CHL1: variants seen among roughly 807,000 people sequenced by gnomAD.
CHL1 encodes neural cell adhesion molecule L1-like protein.
In CHL1, 96 loss-of-function variants were observed where a neutral mutation model predicts 141.9. The observed-to-expected ratio is 0.68, with a 90% CI of 0.57 to 0.80. CHL1 has a LOEUF of 0.80. Among genes scored for constraint, CHL1 ranks in the 30% least tolerant of loss-of-function variants. The pLI is 0.00. For missense variants in CHL1, 1,820 were observed against 1,457.2 expected, an observed-to-expected ratio of 1.25 and a Z score of -4.05; for synonymous variants, 613 against 502.2, an observed-to-expected ratio of 1.22 and a Z score of -2.95.
chr3:237,831 G>C (rs1217473991), intron 1 of CHL1, among the ~76,000 whole-genome samples: 1 of 152,138 alleles, frequency 6.6e-6, no homozygotes, highest in Non-Finnish European at 1.5e-5. Flanking sequence ...TTAGTGGAGA[G>C]TCAATATCTG....
chr3:330,947 G>A (rs1701388346), intron 5 of CHL1, among the ~76,000 whole-genome samples: 1 of 151,798 alleles, frequency 6.6e-6, no homozygotes. Flanking sequence ...TGGCATGTTA[G>A]CATGGATCTC....
At chr3:374,287 T>C (rs1287789815) in intron 15 of CHL1, among the ~76,000 whole-genome samples, 1 of 152,022 alleles carries the variant, frequency 6.6e-6, no homozygotes, top group Non-Finnish European at 1.5e-5. Context: ...AAACACGAGA[T>C]TAATTATATA....
intron 2 of CHL1, among the ~76,000 whole-genome samples, chr3:300,210 T>A (rs1246738345): frequency 6.6e-6 from 1 of 152,206 alleles, no homozygotes; most frequent in Non-Finnish European, 1.5e-5. Flanking sequence ...ACCCAAGATA[T>A]CAGTTTGAAT....
intron 2 of CHL1, among the ~76,000 whole-genome samples, chr3:277,744 C>T (rs1239607691): frequency 6.6e-6 from 1 of 152,116 alleles, no homozygotes; most frequent in Non-Finnish European, 1.5e-5. Flanking sequence ...CCATATTTCC[C>T]CCTTTCCCTG....
intron 5 of CHL1, among the ~76,000 whole-genome samples, chr3:331,220 T>C (rs1701415016): frequency 2.0e-5 from 3 of 149,450 alleles, no homozygotes. Flanking sequence ...TTTGTTTGTT[T>C]GTTTGTTTGT....
At chr3:299,000 T>C (rs1243848281) in intron 2 of CHL1, among the ~76,000 whole-genome samples, 2 of 152,270 alleles carry the variant, frequency 1.3e-5, no homozygotes, top group South Asian at 2.1e-4. Flanking sequence ...TGAATCTTAT[T>C]TGGATGGTGG....
At chr3:358,985 A>G (rs1296292840) in intron 11 of CHL1, among the ~76,000 whole-genome samples, 1 of 147,562 alleles carries the variant, frequency 6.8e-6, no homozygotes, top group African/African-American at 2.5e-5. Context: ...ATATATATAT[A>G]TATTATATAC....
chr3:263,584 G>C (rs987143381), intron 2 of CHL1, among the ~76,000 whole-genome samples: 4 of 152,144 alleles, frequency 2.6e-5, no homozygotes, highest in Non-Finnish European at 1.5e-5. Context: ...ATTTGTCACT[G>C]CTCCAAATCA....
chr3:212,815 A>C (rs1700009756), intron 1 of CHL1, among the ~76,000 whole-genome samples: 1 of 152,184 alleles, frequency 6.6e-6, no homozygotes, highest in Non-Finnish European at 1.5e-5. Flanking sequence ...TTTTCTTCTT[A>C]AAACAACCAG....
chr3:378,051 G>A, intron 16 of CHL1, 109 bp downstream of exon 16: 1 of 945,844 alleles, frequency 1.1e-6, no homozygotes, highest in Non-Finnish European at 1.4e-6. Flanking sequence ...CACATATATT[G>A]TTAGTTTCAA....
At chr3:285,187 T>A (rs1473846642) in intron 2 of CHL1, among the ~76,000 whole-genome samples, 1 of 152,218 alleles carries the variant, frequency 6.6e-6, no homozygotes, top group East Asian at 1.9e-4. Flanking sequence ...AAGTCAAAAC[T>A]GGAATTGCAA....
At chr3:263,992 T>C (rs184834036) in intron 2 of CHL1, among the ~76,000 whole-genome samples, 16 of 152,346 alleles carry the variant, frequency 1.1e-4, no homozygotes, top group Admixed American at 1.0e-3. Context: ...ACGGATAGTA[T>C]TGATGGACTG....
At chr3:374,251 G>T (rs1018337303) in intron 15 of CHL1, among the ~76,000 whole-genome samples, 3 of 152,050 alleles carry the variant, frequency 2.0e-5, no homozygotes, top group Non-Finnish European at 4.4e-5. Context: ...GAAAGGCAGT[G>T]TATGTATTAC....
At chr3:229,040 G>A (rs538396589) in intron 1 of CHL1, among the ~76,000 whole-genome samples, 1 of 152,178 alleles carries the variant, frequency 6.6e-6, no homozygotes, top group Non-Finnish European at 1.5e-5. Flanking sequence ...GTGCATTGCT[G>A]ATAGGTTAGT....
At chr3:258,678 G>A (rs1694407476) in intron 2 of CHL1, among the ~76,000 whole-genome samples, 1 of 152,086 alleles carries the variant, frequency 6.6e-6, no homozygotes, top group Non-Finnish European at 1.5e-5. Flanking sequence ...CTCTGAATAA[G>A]CTCAGCTTGT....
intron 2 of CHL1, among the ~76,000 whole-genome samples, chr3:248,868 T>C (rs1377576993): frequency 1.3e-5 from 2 of 152,164 alleles, no homozygotes; most frequent in Non-Finnish European, 2.9e-5. Flanking sequence ...TAATCTTATA[T>C]TGACATTTAA....
At chr3:396,624 G>A (rs552906405) in intron 24 of CHL1, among the ~76,000 whole-genome samples, 2 of 152,224 alleles carry the variant, frequency 1.3e-5, no homozygotes, top group African/African-American at 2.4e-5. Context: ...TGTAACTAAT[G>A]TGCTGCATGT....
intron 1 of CHL1, among the ~76,000 whole-genome samples, chr3:208,065 A>G (rs1200663039): frequency 2.0e-5 from 3 of 152,196 alleles, no homozygotes; most frequent in Non-Finnish European, 4.4e-5. Flanking sequence ...TGGATCAGAA[A>G]TTGATCTCCA....
intron 1 of CHL1, among the ~76,000 whole-genome samples, chr3:219,673 C>A (rs1183710981): frequency 2.0e-5 from 3 of 152,014 alleles, no homozygotes; most frequent in Non-Finnish European, 1.5e-5. Flanking sequence ...TAGAGGAGAA[C>A]AACACACACT....
Sources: allele counts gnomAD v4.1 joint callset (sites outside exome capture counted in the v4.1 genomes callset), GRCh38; gene constraint gnomAD v4.1.1; transcripts MANE v1.5; gene names NCBI Gene and HGNC (gene_info 2026-07-23, HGNC 2026-07-21).